The following ROBO2 variants were observed in gnomAD, a reference collection of about 807,000 sequenced individuals.
ROBO2 encodes the protein roundabout homolog 2.
A neutral mutation model predicts 160.8 loss-of-function variants in ROBO2; 53 were observed. The ratio of observed to expected loss-of-function variants is 0.33; its 90% CI spans 0.26 to 0.41. ROBO2 has a LOEUF of 0.41. Among genes scored for constraint, ROBO2 ranks in the 10% least tolerant of loss-of-function variants. The pLI, the probability that ROBO2 is intolerant of heterozygous loss-of-function variation, is 1.00. For missense variants in ROBO2, 1,577 were observed against 1,722.4 expected, an observed-to-expected ratio of 0.92 and a Z score of 1.49; for synonymous variants, 664 against 611.7, an observed-to-expected ratio of 1.09 and a Z score of -1.26.
intron 2 of ROBO2, among the ~76,000 whole-genome samples, chr3:77,386,267 A>G (rs2074087589): frequency 6.6e-6 from 1 of 152,210 alleles, no homozygotes; most frequent in Non-Finnish European, 1.5e-5. Context: ...CTGACTTCAG[A>G]GCTTGTTCTT....
intron 2 of ROBO2, among the ~76,000 whole-genome samples, chr3:76,906,704 A>G (rs911173311): frequency 6.6e-6 from 1 of 152,130 alleles, no homozygotes; most frequent in Non-Finnish European, 1.5e-5. Context: ...ATTAGACCTT[A>G]GGCAGTCTGA....
At chr3:76,435,503 A>T in intron 2 of ROBO2, 1 of 654,522 alleles carries the variant, frequency 1.5e-6, no homozygotes, top group East Asian at 2.7e-5. Context: ...TCTTTTCGCG[A>T]TTTCCTCTAC....
At chr3:76,932,583 C>G (rs189950313) in intron 2 of ROBO2, among the ~76,000 whole-genome samples, 2 of 152,150 alleles carry the variant, frequency 1.3e-5, no homozygotes, top group East Asian at 3.9e-4. Context: ...ACCCCTTATT[C>G]TGGACTGTGG....
intron 2 of ROBO2, among the ~76,000 whole-genome samples, chr3:76,209,342 C>T (rs1374892954): frequency 6.6e-6 from 1 of 152,140 alleles, no homozygotes; most frequent in African/African-American, 2.4e-5. Context: ...ATTGAACAAA[C>T]TCTTTGATAT....
chr3:77,507,037 A>T (rs1271569942), intron 5 of ROBO2, among the ~76,000 whole-genome samples: 2 of 152,142 alleles, frequency 1.3e-5, no homozygotes, highest in Non-Finnish European at 2.9e-5. Flanking sequence ...TTTTCTTCAT[A>T]TTCCTTGCAC....
intron 2 of ROBO2, among the ~76,000 whole-genome samples, chr3:76,025,911 A>G (rs1259872272): frequency 6.6e-6 from 1 of 151,810 alleles, no homozygotes; most frequent in African/African-American, 2.4e-5. Flanking sequence ...TCCAGTCCAG[A>G]ATTTCTACAT....
At chr3:76,469,730 G>C (rs1335550900) in intron 2 of ROBO2, among the ~76,000 whole-genome samples, 2 of 152,042 alleles carry the variant, frequency 1.3e-5, no homozygotes, top group Non-Finnish European at 2.9e-5. Flanking sequence ...AGAGTCCTCT[G>C]TCTACGTTCT....
intron 2 of ROBO2, among the ~76,000 whole-genome samples, chr3:76,172,963 G>A (rs1344888634): frequency 1.3e-5 from 2 of 151,972 alleles, no homozygotes; most frequent in Non-Finnish European, 2.9e-5. Flanking sequence ...AAGGTAGGAT[G>A]ACTGGACCTC....
rs575626624 is a variant in ROBO2, at chr3:75,972,690, C to T, written c.109+35088C>T. 1.3e-5 allele frequency among the ~76,000 whole-genome samples: 2 copies of T among 151,760 alleles called. 1 individual carries two copies. The highest frequency in any genetic ancestry group is 3.0e-5 in the Non-Finnish European group (2 of 67,760). On this transcript the variant is annotated intron_variant, in intron 2 of 26. Coordinates refer to the ROBO2 transcript ENST00000487694. ...CTTTGAACCAGCAACATCAGTATTA[C>T]ATTGAGACATAAATTCTTGGACCCC... is the stretch of plus-strand genomic sequence containing the variant.
chr3:77,611,321 A>G (rs113726141), intron 21 of ROBO2, among the ~76,000 whole-genome samples: 1,564 of 151,268 alleles, frequency 0.01, 32 homozygotes, highest in African/African-American at 0.036. Context: ...AGAAAACTGC[A>G]TAGGGTAGGA....
chr3:76,477,616 A>T (rs997091498), intron 2 of ROBO2, among the ~76,000 whole-genome samples: 7 of 152,118 alleles, frequency 4.6e-5, no homozygotes, highest in African/African-American at 7.2e-5. Flanking sequence ...GTCCATTTTT[A>T]AAAAAATTTT....
At chr3:77,527,255 A>T in intron 6 of ROBO2, 148 bp from the exon 7 acceptor site, 1 of 396,276 alleles carries the variant, frequency 2.5e-6, no homozygotes, top group Non-Finnish European at 4.3e-6. Context: ...AGACTCAGAC[A>T]TCTTGGTCAT....
intron 2 of ROBO2, among the ~76,000 whole-genome samples, chr3:77,385,265 T>G (rs1424390387): frequency 6.6e-6 from 1 of 152,168 alleles, no homozygotes; most frequent in East Asian, 1.9e-4. Context: ...TCCTGACTTC[T>G]TGATCCGCCC....
chr3:76,253,025 C>G lies in ROBO2; in HGVS notation c.109+315423C>G, dbSNP rs546753548. ...ACATTATCAAACATATTCTTAAAGT[C>G]AGCTGATTTTAGAGTTAGTCACATT... is the stretch of plus-strand genomic sequence containing the variant. On this transcript the variant is annotated intron_variant, in intron 2 of 26. Transcript: ENST00000487694. Among the ~76,000 whole-genome samples, 4 of 152,060 alleles carry G rather than the reference C, an allele frequency of 2.6e-5. No individual in the cohort carries two copies. The East Asian group carries it at 7.8e-4, about 30-fold the overall frequency.
chr3:76,351,925 C>T (rs2074901417), intron 2 of ROBO2, among the ~76,000 whole-genome samples: 1 of 151,978 alleles, frequency 6.6e-6, no homozygotes, highest in African/African-American at 2.4e-5. Context: ...GTGTTTGGGA[C>T]ATAGCCGCTG....
chr3:76,885,456 A>G (rs1041411119), intron 2 of ROBO2, among the ~76,000 whole-genome samples: 4 of 152,220 alleles, frequency 2.6e-5, no homozygotes, highest in Non-Finnish European at 5.9e-5. Context: ...ATCAAGCCGT[A>G]CAAAAATAAA....
intron 2 of ROBO2, among the ~76,000 whole-genome samples, chr3:76,872,978 G>T (rs1438097271): frequency 2.0e-5 from 3 of 152,002 alleles, no homozygotes; most frequent in Non-Finnish European, 4.4e-5. Flanking sequence ...CTTAAAAGTG[G>T]CGTTCTGTTC....
chr3:76,329,213 C>CT (rs961302861), intron 2 of ROBO2, among the ~76,000 whole-genome samples: 8 of 151,768 alleles, frequency 5.3e-5, no homozygotes, highest in East Asian at 1.9e-4. Flanking sequence ...GAGCCCGGGA[C>CT]TTTTTTTTGT....
chr3:76,754,938 T>C (rs771064473), intron 2 of ROBO2, among the ~76,000 whole-genome samples: 2 of 151,896 alleles, frequency 1.3e-5, no homozygotes, highest in Non-Finnish European at 2.9e-5. Flanking sequence ...TAGAAACCTT[T>C]AAGTGAAAAA....
Sources: allele counts gnomAD v4.1 joint callset (sites outside exome capture counted in the v4.1 genomes callset), GRCh38; gene constraint gnomAD v4.1.1; transcripts MANE v1.5; gene names NCBI Gene and HGNC (gene_info 2026-07-23, HGNC 2026-07-21).